TMEM40: variants seen among roughly 807,000 people sequenced by gnomAD.
TMEM40 encodes transmembrane protein 40.
Under a neutral mutation model 40.8 loss-of-function variants are expected in TMEM40, and 34 were observed. That is an observed-to-expected ratio of 0.83 (90% CI 0.63 to 1.11). The LOEUF is 1.11. Among genes scored for constraint, TMEM40 ranks in the 50% least tolerant of loss-of-function variants. The probability of loss-of-function intolerance (pLI) is 0.00; values close to 1 mark genes in which losing one functional copy is unlikely to be tolerated. For missense variants in TMEM40, 296 were observed against 280.2 expected, an observed-to-expected ratio of 1.06 and a Z score of -0.40; for synonymous variants, 106 against 107.0, an observed-to-expected ratio of 0.99 and a Z score of 0.06.
At chr3:12,738,027 A>G (rs2061350460) in intron 7 of TMEM40, 109 bp downstream of exon 7, 1 of 1,384,892 alleles carries the variant, frequency 7.2e-7, no homozygotes, top group Non-Finnish European at 1.0e-6. Context: ...CTGGCTGGCG[A>G]CAGCATCCCT....
chr3:12,748,473 G>A (rs1271106826), intron 3 of TMEM40, among the ~76,000 whole-genome samples, 182 bp downstream of exon 3: 1 of 152,200 alleles, frequency 6.6e-6, no homozygotes, highest in Non-Finnish European at 1.5e-5. Context: ...GGACAAAATT[G>A]CCTATACGAT....
intron 5 of TMEM40, 29 bp from the exon 6 acceptor site, chr3:12,738,617 T>C: frequency 6.2e-7 from 1 of 1,605,494 alleles, no homozygotes; most frequent in Admixed American, 1.7e-5. Context: ...AGTGATCATA[T>C]ACCCATGATC....
chr3:12,759,865 C>T (rs998719080), upstream of TMEM40, among the ~76,000 whole-genome samples: 16 of 152,132 alleles, frequency 1.1e-4, no homozygotes, highest in Non-Finnish European at 2.4e-4. Context: ...CAGCCGAGGG[C>T]AGGGCCCCAG....
upstream of TMEM40, among the ~76,000 whole-genome samples, chr3:12,763,731 G>A (rs2061582911): frequency 6.6e-6 from 1 of 152,110 alleles, no homozygotes; most frequent in Admixed American, 6.6e-5. Context: ...GCAGCGCCTG[G>A]CACACGTCAG....
At chr3:12,744,483 T>C (rs1313913713) in intron 3 of TMEM40, among the ~76,000 whole-genome samples, 1 of 152,204 alleles carries the variant, frequency 6.6e-6, no homozygotes, top group Non-Finnish European at 1.5e-5. Flanking sequence ...ACACTGGTCT[T>C]GCCTTTCCCT....
At chr3:12,743,085 A>C (rs1238051061) in intron 4 of TMEM40, among the ~76,000 whole-genome samples, 1 of 152,160 alleles carries the variant, frequency 6.6e-6, no homozygotes, top group Non-Finnish European at 1.5e-5. Flanking sequence ...TGTACTATAC[A>C]ATAATTCACC....
intron 3 of TMEM40, 46 bp from the exon 4 acceptor site, chr3:12,744,035 A>C: frequency 6.3e-7 from 1 of 1,584,460 alleles, no homozygotes; most frequent in Non-Finnish European, 8.6e-7. Context: ...AGCCTGGAAC[A>C]AGCTGGGAAT....
chr3:12,752,810 A>AAAAG lies in TMEM40; in HGVS notation c.-8-2974_-8-2971dup, dbSNP rs1553633831. 1.8e-4 allele frequency among the ~76,000 whole-genome samples: 27 copies of AAAAG among 152,042 alleles called. No homozygotes were observed. The South Asian group carries it at 2.1e-3, about 12-fold the overall frequency. ...AGGGCAAGACTCTGTCTCAAAAAAAAAAAGAAAGAAAGAAAGAAAGAAACT... is the reference window on the plus strand; with the variant it reads ...AGGGCAAGACTCTGTCTCAAAAAAAAAAAGAAAGAAAGAAAGAAAGAAAGAAACT... On this transcript the variant is annotated intron_variant, in intron 1 of 11. Coordinates refer to ENST00000314124, the MANE Select transcript of TMEM40 (RefSeq NM_018306.4).
At chr3:12,765,628 C>T (rs1324428177) in intron 1 of TMEM40, among the ~76,000 whole-genome samples, 5 of 140,428 alleles carry the variant, frequency 3.6e-5, no homozygotes, top group Non-Finnish European at 6.0e-5. Context: ...AGTGCAGTGG[C>T]GTGATCTCGG....
upstream of TMEM40, among the ~76,000 whole-genome samples, chr3:12,759,867 G>C (rs920062150): frequency 6.6e-6 from 1 of 152,176 alleles, no homozygotes; most frequent in East Asian, 1.9e-4. Context: ...GCCGAGGGCA[G>C]GGCCCCAGCT....
chr3:12,769,256 G>C (rs7641959), exon 1 of TMEM40: 231,027 of 404,670 alleles, frequency 0.57, 71,620 homozygotes, highest in African/African-American at 0.86. Flanking sequence ...CATACCTCCC[G>C]GAAGGCTGAG....
At chr3:12,756,891 C>A (rs1052025759) in intron 1 of TMEM40, among the ~76,000 whole-genome samples, 7 of 152,078 alleles carry the variant, frequency 4.6e-5, no homozygotes, top group African/African-American at 1.7e-4. Context: ...TACACACACA[C>A]AACTGACAAT....
chr3:12,755,260 TTTCTTTCTTTCTTTCTTTCTTTC>T lies in TMEM40; in HGVS notation c.-9+3908_-9+3930del, dbSNP rs1463246508. Among the ~76,000 whole-genome samples the T allele has an allele frequency of 5.1e-3, 621 of 121,438 alleles. 10 individuals carry two copies. Among genetic ancestry groups the T allele is most frequent in the African/African-American group, 0.022 (584 of 26,014 alleles). The allele number at this position is 121,438 out of a possible 152,430, so 79.7% of individuals were successfully genotyped here. A position where few individuals can be genotyped will look rare whatever the true frequency, so the allele number is the denominator to read the frequency against. On this transcript the variant is annotated intron_variant, in intron 1 of 11. Coordinates refer to ENST00000314124, the MANE Select transcript of TMEM40 (RefSeq NM_018306.4). ...CTTTCTTTCTTTCTTTCTTTCTTTC[TTTCTTTCTTTCTTTCTTTCTTTC>T]TTCTTTTCTAGAGACAGGGTCTCAC...
rs2061323532 is a variant in TMEM40, at chr3:12,734,427, A to G, written c.*347T>C. 1.4e-5 allele frequency: 4 copies of G among 285,406 alleles called. No homozygotes were observed. The highest frequency in any genetic ancestry group is 2.7e-5 in the Non-Finnish European group (4 of 150,366). 17.7% of individuals were successfully genotyped at this position (285,406 alleles called of 1,614,324 possible). A position where few individuals can be genotyped will look rare whatever the true frequency, so the allele number is the denominator to read the frequency against. ...GCCTGGGATTTGAGAAAAACCATGAACCCAGACAGATCACAGCTTGCAGAG... is the reference window on the plus strand; with the variant it reads ...GCCTGGGATTTGAGAAAAACCATGAGCCCAGACAGATCACAGCTTGCAGAG... On this transcript the variant is annotated 3_prime_UTR_variant, in exon 12 of 12. Coordinates refer to ENST00000314124, the MANE Select transcript of TMEM40 (RefSeq NM_018306.4).
intron 1 of TMEM40, among the ~76,000 whole-genome samples, chr3:12,767,650 G>A (rs897750242): frequency 2.0e-5 from 3 of 152,196 alleles, no homozygotes; most frequent in African/African-American, 7.2e-5. Flanking sequence ...GCATGGGCAA[G>A]ACTCCTCTGA....
intron 4 of TMEM40, 119 bp downstream of exon 4, chr3:12,743,781 C>T (rs772081463): frequency 9.7e-6 from 9 of 926,138 alleles, no homozygotes; most frequent in Non-Finnish European, 1.5e-5. Flanking sequence ...TGCTGTCAGG[C>T]TATTTCCTAT....
chr3:12,748,730 C>T lies in TMEM40; in HGVS notation c.136G>A (p.Glu46Lys), dbSNP rs146477309. 2.7e-4 allele frequency: 436 copies of T among 1,614,124 alleles called. No individual in the cohort carries two copies. The highest frequency in any genetic ancestry group is 3.6e-4 in the Non-Finnish European group (424 of 1,180,000). Reference protein sequence around the residue: ...KAGLFSQEQYERNKSSSSSSS... With the variant: ...KAGLFSQEQYKRNKSSSSSSS... ...GAGGAGGAAGAAGACTTGTTTCTCTCATATTGTTCTTGGGAAAAGAGTCCA... is the reference window on the plus strand; with the variant it reads ...GAGGAGGAAGAAGACTTGTTTCTCTTATATTGTTCTTGGGAAAAGAGTCCA... Residue 46 changes from glutamate (E) to lysine (K), a missense_variant, in exon 3 of 12, where the codon GAG becomes AAG. Physicochemically the swap from Glu to Lys is moderately conservative, Grantham distance 56 (BLOSUM62 1). Coordinates refer to ENST00000314124, the MANE Select transcript of TMEM40 (RefSeq NM_018306.4).
intron 5 of TMEM40, among the ~76,000 whole-genome samples, chr3:12,741,845 G>C (rs1377554001): frequency 1.3e-5 from 2 of 151,412 alleles, no homozygotes; most frequent in Non-Finnish European, 2.9e-5. Context: ...CTGTAATTCT[G>C]GCACTTTGGG....
Position 12,744,002 on chromosome 3 carries a change from A to T in TMEM40, c.212-13T>A. The stretch of plus-strand genomic sequence containing the variant: ...TCATCATTGCTCTCTGCGGGTAACA[A>T]ACACAAGCTGTAGGAGAAGCTCAGC... On this transcript the variant is annotated splice_polypyrimidine_tract_variant and intron_variant, in intron 3 of 11. Transcript: ENST00000314124. The T allele has an allele frequency of 6.2e-7, 1 of 1,609,066 alleles. No individual in the cohort carries two copies. The highest frequency in any genetic ancestry group is 8.5e-7 in the Non-Finnish European group (1 of 1,177,832).
Sources: allele counts gnomAD v4.1 joint callset (sites outside exome capture counted in the v4.1 genomes callset), GRCh38; gene constraint gnomAD v4.1.1; transcripts MANE v1.5; gene names NCBI Gene and HGNC (gene_info 2026-07-23, HGNC 2026-07-21).